Variants in DNHD1 observed in about 807,000 individuals in gnomAD.
DNHD1 encodes the protein dynein heavy chain domain 1.
A neutral mutation model predicts 458.1 loss-of-function variants in DNHD1; 383 were observed. That is an observed-to-expected ratio of 0.84 (90% confidence interval 0.77 to 0.91). The LOEUF is 0.91. Among genes scored for constraint, DNHD1 ranks in the 40% least tolerant of loss-of-function variants. DNHD1 has a pLI of 0.00. For synonymous variants in DNHD1, 2,203 were observed against 2,376.9 expected, an observed-to-expected ratio of 0.93 and a Z score of 2.13; for missense variants, 5,336 against 5,866.1, an observed-to-expected ratio of 0.91 and a Z score of 2.95.
chr11:6,531,633 G>T (rs570929522), intron 12 of DNHD1, among the ~76,000 whole-genome samples: 2 of 152,294 alleles, frequency 1.3e-5, no homozygotes, highest in South Asian at 4.1e-4. Context: ...AGATCTTCAT[G>T]TTCTGTTTGA....
chr11:6,554,205 A>G (rs1330145478), intron 24 of DNHD1, among the ~76,000 whole-genome samples: 2 of 152,208 alleles, frequency 1.3e-5, no homozygotes, highest in Non-Finnish European at 2.9e-5. Flanking sequence ...ATTTTTAATA[A>G]ATGTGCCAAG....
chr11:6,570,698 G>A lies in DNHD1; in HGVS notation c.13186G>A (p.Gly4396Arg), dbSNP rs758333288. The change falls in exon 42 of 43, where the codon GGA becomes AGA. Residue 4396 changes from glycine (G) to arginine (R), a missense_variant. Physicochemically the swap from Gly to Arg is moderately radical, Grantham distance 125. This residue lies in a region of DNHD1 where 698 missense variants were observed against 664.9 expected (regional missense o/e 1.05). Transcript: ENST00000254579. Reference protein sequence around the residue: ...LPSPPEPRLCGLSEGPQAWLL... With the variant: ...LPSPPEPRLCRLSEGPQAWLL... ...CTCACCACCTGAACCCCGGCTCTGCGGACTGAGTGAGGGCCCCCAAGCCTG... is the reference window on the plus strand; with the variant it reads ...CTCACCACCTGAACCCCGGCTCTGCAGACTGAGTGAGGGCCCCCAAGCCTG... 2.5e-6 allele frequency: 4 copies of A among 1,611,256 alleles called. No individual in the cohort carries two copies. Among genetic ancestry groups the A allele is most frequent in the South Asian group, 1.1e-5 (1 of 90,454 alleles).
chr11:6,565,867 G>A lies in DNHD1; in HGVS notation c.10929G>A (p.Glu3643=). The A allele has an allele frequency of 1.9e-6, 3 of 1,551,556 alleles. No homozygotes were observed. Among genetic ancestry groups the A allele is most frequent in the Non-Finnish European group, 2.6e-6 (3 of 1,146,900 alleles). ...EQEENEEKEE[E]KTESQGSKPA... ...AGGAAAATGAAGAGAAAGAGGAGGAGAAGACAGAGAGCCAGGGGTCAAAGC... is the reference window on the plus strand; with the variant it reads ...AGGAAAATGAAGAGAAAGAGGAGGAAAAGACAGAGAGCCAGGGGTCAAAGC... Residue 3643 remains glutamate, a synonymous_variant, in exon 33 of 43, where the codon GAG becomes GAA. Transcript: ENST00000254579.
Position 6,566,368 on chromosome 11 carries a change from C to T in DNHD1, c.11181C>T (p.Thr3727=). The change falls in exon 34 of 43, where the codon ACC becomes ACT. Residue 3727 remains threonine (T), a synonymous_variant. Coordinates refer to ENST00000254579, the MANE Select transcript of DNHD1 (RefSeq NM_144666.3). ...QPGFCLYLST[T]LSLCAMEKVL... is the part of the protein sequence containing the mutation. ...GCTTCTGTCTGTATCTCAGCACCAC[C>T]CTCTCCCTCTGTGCCATGGAAAAAG... 6.4e-7 allele frequency: 1 copy of T among 1,557,990 alleles called. No individual in the cohort carries two copies.
Position 6,534,040 on chromosome 11 carries a change from C to A in DNHD1, c.2865C>A (p.Ala955=). Residue 955 remains alanine, a synonymous_variant, in exon 14 of 43, where the codon GCC becomes GCA. Transcript: ENST00000254579. ...AGCTGGAAGGCCTGCTTGCGAAGGCCCTCTCCGGTCCCTTTATGGACCCCA... is the reference window on the plus strand; with the variant it reads ...AGCTGGAAGGCCTGCTTGCGAAGGCACTCTCCGGTCCCTTTATGGACCCCA... ...LAELEGLLAK[A]LSGPFMDPTQ... 6.4e-7 allele frequency: 1 copy of A among 1,551,548 alleles called. No individual in the cohort carries two copies. The highest frequency in any genetic ancestry group is 1.2e-5 in the South Asian group (1 of 84,044).
Position 6,568,174 on chromosome 11 carries a change from G to A in DNHD1, c.12470G>A (p.Cys4157Tyr), listed in dbSNP as rs1853754383. 6.4e-7 allele frequency: 1 copy of A among 1,553,482 alleles called. No individual in the cohort carries two copies. Among genetic ancestry groups the A allele is most frequent in the East Asian group, 2.4e-5 (1 of 41,080 alleles). Residue 4157 changes from cysteine to tyrosine, a missense_variant, in exon 37 of 43, where the codon TGT becomes TAT. By Grantham distance (194) the Cys-to-Tyr change is radical (BLOSUM62 -2). Coordinates refer to ENST00000254579, the MANE Select transcript of DNHD1 (RefSeq NM_144666.3). ...YEGHWLVLDN[C>Y]HLMPHWPKEL... ...GGGCACTGGCTGGTGCTGGACAACTGTCATCTGATGCCCCATTGGCCGAAA... is the reference window on the plus strand; with the variant it reads ...GGGCACTGGCTGGTGCTGGACAACTATCATCTGATGCCCCATTGGCCGAAA...
intron 24 of DNHD1, among the ~76,000 whole-genome samples, chr11:6,552,742 G>C (rs1589889584): frequency 6.6e-6 from 1 of 152,020 alleles, no homozygotes; most frequent in African/African-American, 2.4e-5. Context: ...CCGGCCCCGT[G>C]ATCCACTCAC....
intron 12 of DNHD1, among the ~76,000 whole-genome samples, chr11:6,530,758 G>A (rs932895545): frequency 5.9e-5 from 9 of 152,220 alleles, no homozygotes; most frequent in Admixed American, 3.9e-4. Context: ...GGGTTCAGGC[G>A]GGCAAGGCAG....
chr11:6,517,652 CTTTTTTTTTT>C lies in DNHD1; in HGVS notation c.1393-1923_1393-1914del, dbSNP rs59300977. Among the ~76,000 whole-genome samples, 444 of 59,064 alleles carry C rather than the reference CTTTTTTTTTT, an allele frequency of 7.5e-3. 9 individuals are homozygous for C. The highest frequency in any genetic ancestry group is 0.04 in the Middle Eastern group (2 of 50). The allele number at this position is 59,064 out of a possible 152,430, so 38.7% of individuals were successfully genotyped here. On this transcript the variant is annotated intron_variant, in intron 7 of 42. Transcript: ENST00000254579. ...ACAAATACTGTATGATCTAGGACTT[CTTTTTTTTTT>C]TTTTTTTTTTTTTTTTTTTTTTTTA...
At chr11:6,538,313 A>G (rs1853008702) in intron 14 of DNHD1, 70 bp from the exon 15 acceptor site, 1 of 1,466,570 alleles carries the variant, frequency 6.8e-7, no homozygotes, top group Non-Finnish European at 9.3e-7. Context: ...TGGGCTCTTG[A>G]CTGATCATTC....
intron 3 of DNHD1, among the ~76,000 whole-genome samples, chr11:6,501,121 A>C (rs1852125347): frequency 6.6e-6 from 1 of 152,204 alleles, no homozygotes; most frequent in Non-Finnish European, 1.5e-5. Context: ...TGTTCATTGG[A>C]TGTAGTAACA....
In DNHD1 at chr11:6,557,084, C is replaced by T. The variant is rs769916649; in HGVS notation, c.7789C>T (p.Leu2597=). 6.4e-7 allele frequency: 1 copy of T among 1,551,756 alleles called. No homozygotes were observed. Among genetic ancestry groups the T allele is most frequent in the South Asian group, 1.2e-5 (1 of 84,064 alleles). The change falls in exon 25 of 43, where the codon CTA becomes TTA. Residue 2597 remains leucine, a synonymous_variant. Transcript: ENST00000254579. ...YHFSLHSVSH[L]LSSLQLLPNR... ...CTTCTCCCTACACTCTGTGAGCCAC[C>T]TACTGAGCAGCCTGCAGCTGCTGCC...
intron 24 of DNHD1, among the ~76,000 whole-genome samples, chr11:6,552,480 C>T (rs1338475014): frequency 3.9e-5 from 6 of 152,086 alleles, no homozygotes; most frequent in Non-Finnish European, 5.9e-5. Context: ...GCCAGGATCA[C>T]GCCATTGCAC....
intron 7 of DNHD1, among the ~76,000 whole-genome samples, chr11:6,512,814 G>T (rs1053343430): frequency 2.6e-5 from 4 of 152,038 alleles, no homozygotes; most frequent in African/African-American, 9.7e-5. Context: ...GTTCACTGAT[G>T]TATCCCAGGA....
intron 19 of DNHD1, 110 bp from the exon 20 acceptor site, chr11:6,544,464 A>G: frequency 9.5e-7 from 1 of 1,050,566 alleles, no homozygotes; most frequent in Non-Finnish European, 1.4e-6. Flanking sequence ...TGGGCAGAGT[A>G]TTTTGCTTGG....
chr11:6,539,444 G>A (rs928914149), intron 17 of DNHD1, 131 bp downstream of exon 17: 3 of 688,932 alleles, frequency 4.4e-6, no homozygotes, highest in African/African-American at 3.6e-5. Flanking sequence ...CTGAAGGGCA[G>A]GAACAGTTTC....
intron 41 of DNHD1, 60 bp from the exon 42 acceptor site, chr11:6,570,558 T>C: frequency 6.6e-7 from 1 of 1,506,964 alleles, no homozygotes; most frequent in Non-Finnish European, 8.9e-7. Flanking sequence ...AGGCCTACTC[T>C]CTCGAGTCTA....
At chr11:6,520,192 T>A (rs1382902790) in intron 9 of DNHD1, 46 bp from the exon 10 acceptor site, 1 of 1,590,932 alleles carries the variant, frequency 6.3e-7, no homozygotes, top group African/African-American at 1.3e-5. Flanking sequence ...TTTGAATCCC[T>A]CATTGCTTTC....
At chr11:6,553,793 T>A (rs551531541) in intron 24 of DNHD1, among the ~76,000 whole-genome samples, 1 of 152,256 alleles carries the variant, frequency 6.6e-6, no homozygotes, top group African/African-American at 2.4e-5. Context: ...ATTAAAAGCA[T>A]TCAAGATCTG....
Sources: allele counts gnomAD v4.1 joint callset (sites outside exome capture counted in the v4.1 genomes callset), GRCh38; gene constraint gnomAD v4.1.1; regional missense constraint gnomAD v4.1.1; transcripts MANE v1.5; gene names NCBI Gene and HGNC (gene_info 2026-07-23, HGNC 2026-07-21).